The following NOL4 variants were observed in gnomAD, a reference collection of about 807,000 sequenced individuals.
NOL4 encodes the protein cancer/testis antigen 125.
Under a neutral mutation model 75.9 loss-of-function variants are expected in NOL4, and 17 were observed. That is an observed-to-expected ratio of 0.22 (90% CI 0.15 to 0.34). The LOEUF (loss-of-function observed/expected upper bound fraction) is 0.34, where lower values mean the gene tolerates loss of function less well. Among genes scored for constraint, NOL4 ranks in the 10% least tolerant of loss-of-function variants. The pLI, the probability that NOL4 is intolerant of heterozygous loss-of-function variation, is 1.00. For synonymous variants in NOL4, 292 were observed against 289.9 expected, an observed-to-expected ratio of 1.01 and a Z score of -0.07; for missense variants, 614 against 793.5, an observed-to-expected ratio of 0.77 and a Z score of 2.72.
At chr18:34,173,509 C>A (rs1196235765) in intron 1 of NOL4, among the ~76,000 whole-genome samples, 2 of 151,590 alleles carry the variant, frequency 1.3e-5, no homozygotes, top group African/African-American at 2.4e-5. Flanking sequence ...ATGTTGTATA[C>A]CTTGGATATA....
intron 6 of NOL4, among the ~76,000 whole-genome samples, chr18:34,010,339 A>C (rs2074299552): frequency 6.6e-6 from 1 of 151,784 alleles, no homozygotes. Context: ...GAATTTCGTT[A>C]TTTTTACGGC....
rs142974456 is a variant in NOL4, at chr18:34,056,766, G to A, written c.772+36699C>T. ...GGATCTTTTTTTTGGTTTTGCATTGGTCTGGGTGCCGCTACTTCTTAACTG... is the reference window on the plus strand; with the variant it reads ...GGATCTTTTTTTTGGTTTTGCATTGATCTGGGTGCCGCTACTTCTTAACTG... On this transcript the variant is annotated intron_variant, in intron 5 of 10. Coordinates refer to ENST00000261592, the MANE Select transcript of NOL4 (RefSeq NM_003787.5). Among the ~76,000 whole-genome samples the A allele has an allele frequency of 7.9e-3, 1,198 of 152,168 alleles. 18 individuals carry two copies. The highest frequency in any genetic ancestry group is 0.028 in the African/African-American group (1,159 of 41,508).
chr18:34,133,612 C>T (rs2080761255), intron 1 of NOL4, among the ~76,000 whole-genome samples: 1 of 152,058 alleles, frequency 6.6e-6, no homozygotes, highest in Non-Finnish European at 1.5e-5. Flanking sequence ...ATGTAACACA[C>T]TTGACAATAA....
chr18:33,922,800 A>C (rs2067115999), intron 9 of NOL4, among the ~76,000 whole-genome samples: 1 of 152,168 alleles, frequency 6.6e-6, no homozygotes, highest in Non-Finnish European at 1.5e-5. Context: ...CCTGCATCAA[A>C]ACTGTGCTTC....
intron 9 of NOL4, among the ~76,000 whole-genome samples, chr18:33,901,815 T>C (rs1287642786): frequency 6.6e-6 from 1 of 152,084 alleles, no homozygotes; most frequent in Non-Finnish European, 1.5e-5. Flanking sequence ...TAAAGCTGTG[T>C]TACTATTGAG....
chr18:34,079,885 A>C (rs1366429133), intron 5 of NOL4, among the ~76,000 whole-genome samples: 1 of 152,214 alleles, frequency 6.6e-6, no homozygotes, highest in African/African-American at 2.4e-5. Context: ...TTAATTTTAA[A>C]ATATCTACTT....
At chr18:34,186,200 A>G (rs540717536) in intron 1 of NOL4, among the ~76,000 whole-genome samples, 3 of 152,296 alleles carry the variant, frequency 2.0e-5, no homozygotes, top group African/African-American at 7.2e-5. Flanking sequence ...CATTTTCTCC[A>G]TAATCTATTC....
intron 5 of NOL4, among the ~76,000 whole-genome samples, chr18:34,030,883 C>T (rs1016160896): frequency 6.6e-6 from 1 of 151,774 alleles, no homozygotes; most frequent in Non-Finnish European, 1.5e-5. Context: ...ATTATTTACT[C>T]TATTGCTTAA....
At chr18:33,864,034 T>C (rs568069962) in intron 10 of NOL4, among the ~76,000 whole-genome samples, 2 of 152,274 alleles carry the variant, frequency 1.3e-5, no homozygotes, top group East Asian at 3.9e-4. Flanking sequence ...CTTGGCCCCT[T>C]TTAGCCACAA....
chr18:33,915,413 C>T (rs929864095), intron 9 of NOL4, among the ~76,000 whole-genome samples: 12 of 151,348 alleles, frequency 7.9e-5, no homozygotes, highest in Admixed American at 2.0e-4. Context: ...TTTTGCTTTT[C>T]GGTTTGTTTG....
chr18:33,985,788 A>T (rs1212154339), intron 6 of NOL4, among the ~76,000 whole-genome samples: 1 of 152,136 alleles, frequency 6.6e-6, no homozygotes, highest in Non-Finnish European at 1.5e-5. Context: ...TGGGAAAGGC[A>T]TGAAATACAG....
At chr18:34,035,326 T>C (rs2075835963) in intron 5 of NOL4, among the ~76,000 whole-genome samples, 1 of 152,114 alleles carries the variant, frequency 6.6e-6, no homozygotes, top group Non-Finnish European at 1.5e-5. Context: ...TGGAAACTTA[T>C]AAATAGTTGG....
intron 5 of NOL4, among the ~76,000 whole-genome samples, chr18:34,052,619 C>T (rs9950524): frequency 5.9e-5 from 9 of 151,892 alleles, no homozygotes; most frequent in African/African-American, 2.2e-4. Context: ...CAATCATGTG[C>T]AATGTATTAG....
intron 9 of NOL4, among the ~76,000 whole-genome samples, chr18:33,912,359 C>G (rs570075901): frequency 2.9e-4 from 44 of 151,918 alleles, no homozygotes; most frequent in Non-Finnish European, 5.0e-4. Context: ...CACTTTAAAA[C>G]CTTAATATAT....
At chr18:34,013,873 ATTG>A (rs1442891655) in intron 6 of NOL4, among the ~76,000 whole-genome samples, 1 of 151,906 alleles carries the variant, frequency 6.6e-6, no homozygotes, top group Admixed American at 6.6e-5. Flanking sequence ...CACATTTACT[ATTG>A]TTGTTTCTAC....
chr18:34,048,552 GATT>G, intron 5 of NOL4: 2 of 985,388 alleles, frequency 2.0e-6, no homozygotes, highest in Non-Finnish European at 2.4e-6. Flanking sequence ...TGCACCCAGG[GATT>G]AGTCTGACTT....
At chr18:33,974,282 G>T (rs1469344284) in intron 6 of NOL4, among the ~76,000 whole-genome samples, 1 of 152,144 alleles carries the variant, frequency 6.6e-6, no homozygotes, top group Non-Finnish European at 1.5e-5. Flanking sequence ...CAGAATTCAA[G>T]AAATTTAGGG....
At position 34,104,050 on chromosome 18, in the gene NOL4, A is replaced by T; in HGVS notation, c.636T>A (p.Asp212Glu). 1.2e-6 allele frequency: 2 copies of T among 1,604,192 alleles called. No individual in the cohort carries two copies. Among genetic ancestry groups the T allele is most frequent in the Non-Finnish European group, 1.7e-6 (2 of 1,171,572 alleles). ...AATGTAGATGTTTTTATTTTACCTCATCTTGCTGTGAGTTTAGCAGCTGCA... is the reference window on the plus strand; with the variant it reads ...AATGTAGATGTTTTTATTTTACCTCTTCTTGCTGTGAGTTTAGCAGCTGCA... ...MKLQLLNSQQ[D>E]EDESSIESDE... Residue 212 changes from aspartate (D) to glutamate (E), a missense_variant, in exon 4 of 11, where the codon GAT (aspartate) becomes GAA (glutamate). Asp to Glu is a conservative substitution (Grantham distance 45, BLOSUM62 2). Around this residue, in one of 9 missense-constraint regions of NOL4, gnomAD observed 135 missense variants for 220.4 expected, o/e 0.61. Coordinates refer to ENST00000261592, the MANE Select transcript of NOL4 (RefSeq NM_003787.5).
intron 5 of NOL4, among the ~76,000 whole-genome samples, chr18:34,034,493 C>T (rs1490575184): frequency 6.6e-6 from 1 of 152,218 alleles, no homozygotes; most frequent in African/African-American, 2.4e-5. Context: ...CATCCCAGCA[C>T]TTTGGGAGGC....
Sources: allele counts gnomAD v4.1 joint callset (sites outside exome capture counted in the v4.1 genomes callset), GRCh38; gene constraint gnomAD v4.1.1; regional missense constraint gnomAD v4.1.1; transcripts MANE v1.5; gene names NCBI Gene and HGNC (gene_info 2026-07-23, HGNC 2026-07-21).